Variants in ARL5B observed in about 807,000 individuals in gnomAD.
ARL5B encodes the protein ADP-ribosylation factor-like protein 5B.
Under a neutral mutation model 26.9 loss-of-function variants are expected in ARL5B, and 10 were observed. The ratio of observed to expected loss-of-function variants is 0.37; its 90% confidence interval spans 0.23 to 0.63. The LOEUF is 0.63. Among genes scored for constraint, ARL5B ranks in the 30% least tolerant of loss-of-function variants. ARL5B has a pLI of 0.62. For missense variants in ARL5B, 167 were observed against 213.9 expected, an observed-to-expected ratio of 0.78 and a Z score of 1.37; for synonymous variants, 87 against 70.4, an observed-to-expected ratio of 1.24 and a Z score of -1.18.
chr10:18,664,722 G>A (rs539716030), intron 1 of ARL5B, among the ~76,000 whole-genome samples: 188 of 152,244 alleles, frequency 1.2e-3, no homozygotes, highest in African/African-American at 4.1e-3. Context: ...ACAGGCGTAA[G>A]GCACCACGCC....
intron 1 of ARL5B, among the ~76,000 whole-genome samples, chr10:18,665,624 A>C (rs772805773): frequency 1.3e-5 from 2 of 152,192 alleles, no homozygotes; most frequent in Non-Finnish European, 2.9e-5. Context: ...ACCAGAGGTC[A>C]TCAAGAAGAG....
chr10:18,680,508 G>A lies in ARL5B; in HGVS notation c.*5292G>A, dbSNP rs947153708. The stretch of plus-strand genomic sequence containing the variant: ...ATCAAATGACTATCAGTTGATCCCA[G>A]TCATCAGTGACTTATTTGCATATTT... On this transcript the variant is annotated 3_prime_UTR_variant, in exon 6 of 6. Transcript: ENST00000377275. 1.3e-5 allele frequency: 2 copies of A among 152,126 alleles called. No individual in the cohort carries two copies. The highest frequency in any genetic ancestry group is 2.9e-5 in the Non-Finnish European group (2 of 67,928). The allele number at this position is 152,126 out of a possible 1,614,324, so 9.4% of individuals were successfully genotyped here.
intron 1 of ARL5B, among the ~76,000 whole-genome samples, chr10:18,664,823 A>C (rs2059853898): frequency 6.6e-6 from 1 of 152,168 alleles, no homozygotes; most frequent in African/African-American, 2.4e-5. Flanking sequence ...TTACCATCAC[A>C]GGCCTTCAGT....
rs1307111743 is a variant in ARL5B at position 18,659,681 on chromosome 10, A to G, written c.44A>G (p.Gln15Arg). Residue 15 changes from glutamine (Q) to arginine (R), a missense_variant and splice_region_variant, in exon 1 of 6, where the codon CAA becomes CGA. Transcript: ENST00000377275. ...AAACTGTGGAGCCTCTTCTGTAACC[A>G]AGGTGAGAAGAATGGAGCTGCGCGG... The part of the protein sequence containing the change: ...FAKLWSLFCN[Q>R]EHKVIIVGLD... 7 of 1,612,798 alleles carry G rather than the reference A, an allele frequency of 4.3e-6. No homozygotes were observed. Among genetic ancestry groups the G allele is most frequent in the Non-Finnish European group, 5.9e-6 (7 of 1,179,552 alleles).
rs1475731188 is a variant in ARL5B at position 18,673,967 on chromosome 10, T to C, written c.340-17T>C. On this transcript the variant is annotated splice_polypyrimidine_tract_variant and intron_variant, in intron 4 of 5. Coordinates refer to ENST00000377275, the MANE Select transcript of ARL5B (RefSeq NM_178815.5). ...TGTGGTATTTCACATATTAGAAATA[T>C]TTTGTCTTGATTGCAGGATTTACGG... 6.3e-7 allele frequency: 1 copy of C among 1,585,172 alleles called. No homozygotes were observed. The highest frequency in any genetic ancestry group is 8.6e-7 in the Non-Finnish European group (1 of 1,166,536).
intron 1 of ARL5B, among the ~76,000 whole-genome samples, chr10:18,660,562 T>C (rs2059827889): frequency 6.6e-6 from 1 of 152,238 alleles, no homozygotes; most frequent in African/African-American, 2.4e-5. Context: ...TATTTCCTTT[T>C]ATGTTGGTAC....
At chr10:18,663,840 G>A (rs756693301) in intron 1 of ARL5B, among the ~76,000 whole-genome samples, 23 of 152,022 alleles carry the variant, frequency 1.5e-4, no homozygotes, top group Middle Eastern at 3.4e-3. Context: ...GAGCTACTGC[G>A]CCCGGCCCCA....
Position 18,660,476 on chromosome 10 carries a change from G to C in ARL5B, c.46+793G>C, listed in dbSNP as rs1268207715. Reference sequence around the variant, plus strand: ...GTCCTTTGAACAGAATGGTTTCTTAGTAATTGAAACCAGTTTTGAAAATCA... The same window carrying C: ...GTCCTTTGAACAGAATGGTTTCTTACTAATTGAAACCAGTTTTGAAAATCA... On this transcript the variant is annotated intron_variant, in intron 1 of 5. Coordinates refer to ENST00000377275, the MANE Select transcript of ARL5B (RefSeq NM_178815.5). 6.6e-5 allele frequency among the ~76,000 whole-genome samples: 10 copies of C among 152,316 alleles called. No individual in the cohort carries two copies. The East Asian group carries it at 1.9e-3, about 29-fold the overall frequency.
At chr10:18,673,869 G>A in intron 4 of ARL5B, 115 bp from the exon 5 acceptor site, 1 of 838,144 alleles carries the variant, frequency 1.2e-6, no homozygotes, top group Non-Finnish European at 1.6e-6. Flanking sequence ...TTATTTTTAT[G>A]TTAAATACTA....
intron 3 of ARL5B, among the ~76,000 whole-genome samples, chr10:18,670,826 T>G (rs1030610284): frequency 2.6e-5 from 4 of 152,196 alleles, no homozygotes; most frequent in African/African-American, 9.7e-5. Context: ...TCTGGAGGAC[T>G]TAGCATGGGT....
intron 4 of ARL5B, among the ~76,000 whole-genome samples, chr10:18,673,388 A>G (rs1259185521): frequency 1.3e-5 from 2 of 152,066 alleles, no homozygotes; most frequent in Non-Finnish European, 2.9e-5. Flanking sequence ...AACTTATACT[A>G]TATAATATAT....
At chr10:18,660,366 T>C (rs2059826165) in intron 1 of ARL5B, among the ~76,000 whole-genome samples, 1 of 152,192 alleles carries the variant, frequency 6.6e-6, no homozygotes, top group South Asian at 2.1e-4. Flanking sequence ...AAACCTGTTC[T>C]GAATCAGAAT....
rs1030647062 is a variant in ARL5B, at chr10:18,660,652, G to C, written c.46+969G>C. On this transcript the variant is annotated intron_variant, in intron 1 of 5. Transcript: ENST00000377275. ...TGGAGGTAATGGAATGGCTTTAGTT[G>C]ACTTGTTCTGTAGATTGATAAGAAC... 1.1e-4 allele frequency among the ~76,000 whole-genome samples: 16 copies of C among 152,164 alleles called. No individual in the cohort carries two copies. The East Asian group carries it at 2.5e-3, about 24-fold the overall frequency.
At chr10:18,659,705 G>T in intron 1 of ARL5B, 22 bp downstream of exon 1, 1 of 1,608,736 alleles carries the variant, frequency 6.2e-7, no homozygotes. Flanking sequence ...GGAGCTGCGC[G>T]GCGGCTCGAA....
chr10:18,663,897 C>G (rs1001941821), intron 1 of ARL5B, among the ~76,000 whole-genome samples: 1 of 151,954 alleles, frequency 6.6e-6, no homozygotes, highest in Non-Finnish European at 1.5e-5. Context: ...TTCAAACACA[C>G]TAAACTTAAA....
chr10:18,663,575 GTCTC>G (rs1329532004), intron 1 of ARL5B, among the ~76,000 whole-genome samples: 50 of 127,990 alleles, frequency 3.9e-4, no homozygotes, highest in African/African-American at 1.4e-3. Flanking sequence ...TTGAGATGGA[GTCTC>G]TCTCTGTCGC....
chr10:18,667,457 G>C (rs1221382825), intron 2 of ARL5B, among the ~76,000 whole-genome samples: 1 of 152,098 alleles, frequency 6.6e-6, no homozygotes, highest in Non-Finnish European at 1.5e-5. Flanking sequence ...TGGTGATTAT[G>C]TGTTTAAATA....
intron 1 of ARL5B, among the ~76,000 whole-genome samples, chr10:18,665,338 A>G (rs976285691): frequency 2.6e-5 from 4 of 152,208 alleles, no homozygotes; most frequent in Non-Finnish European, 5.9e-5. Context: ...GTCTCAAATA[A>G]ATAAGGAGAA....
At position 18,675,820 on chromosome 10, in the gene ARL5B, T is replaced by A. The variant is rs1327743430; in HGVS notation, c.*604T>A. The stretch of plus-strand genomic sequence containing the variant: ...TTGAGTCATGGAATAATGTTTAAGT[T>A]GTTATTTGCATGGAAATTAAGTAGG... On this transcript the variant is annotated 3_prime_UTR_variant, in exon 6 of 6. Transcript: ENST00000377275. 3 of 152,104 alleles carry A rather than the reference T, an allele frequency of 2.0e-5. No individual in the cohort carries two copies. Among genetic ancestry groups the A allele is most frequent in the Non-Finnish European group, 4.4e-5 (3 of 67,956 alleles). The allele number at this position is 152,104 out of a possible 1,614,324, so 9.4% of individuals were successfully genotyped here.
Sources: gnomAD v4.1 joint callset for allele counts (sites outside exome capture counted in the v4.1 genomes callset) on GRCh38, gnomAD v4.1.1 for gene constraint, MANE v1.5 for transcripts, NCBI Gene and HGNC (gene_info 2026-07-23, HGNC 2026-07-21) for gene names.